The following TLK2 variants were observed in gnomAD, a reference collection of about 807,000 sequenced individuals.
TLK2 encodes tousled like kinase 2, also known as serine/threonine-protein kinase tousled-like 2.
A neutral mutation model predicts 117.3 loss-of-function variants in TLK2; 6 were observed. The ratio of observed to expected loss-of-function variants is 0.05; its 90% CI spans 0.03 to 0.10. TLK2 has a LOEUF of 0.10. Among genes scored for constraint, TLK2 ranks in the 10% least tolerant of loss-of-function variants. The pLI, the probability that TLK2 is intolerant of heterozygous loss-of-function variation, is 1.00. For synonymous variants in TLK2, 257 were observed against 316.7 expected, an observed-to-expected ratio of 0.81 and a Z score of 2.00; for missense variants, 299 against 901.2, an observed-to-expected ratio of 0.33 and a Z score of 8.56.
intron 6 of TLK2, among the ~76,000 whole-genome samples, chr17:62,526,432 C>CA (rs1398802671): frequency 6.6e-6 from 1 of 152,154 alleles, no homozygotes; most frequent in Non-Finnish European, 1.5e-5. Flanking sequence ...AAAATAGAAA[C>CA]AATCAGAAGA....
chr17:62,585,224 T>C (rs925547976), intron 15 of TLK2, among the ~76,000 whole-genome samples: 1 of 152,142 alleles, frequency 6.6e-6, no homozygotes, highest in Non-Finnish European at 1.5e-5. Context: ...TTGGGGTGAC[T>C]AACTTCAGCC....
At chr17:62,600,381 T>C (rs1427849354) in intron 17 of TLK2, 3 of 318,062 alleles carry the variant, frequency 9.4e-6, no homozygotes, top group Admixed American at 4.5e-5. Flanking sequence ...AGTATTCTTA[T>C]AGTCTAGACT....
chr17:62,507,209 G>A (rs1374813916), intron 2 of TLK2, among the ~76,000 whole-genome samples: 1 of 151,940 alleles, frequency 6.6e-6, no homozygotes. Flanking sequence ...AGGAGGCAGA[G>A]GTTGCGGTCA....
intron 15 of TLK2, among the ~76,000 whole-genome samples, chr17:62,580,620 A>G: frequency 6.6e-6 from 1 of 152,196 alleles, no homozygotes; most frequent in East Asian, 1.9e-4. Context: ...GTGTTCTAAT[A>G]TCATTTACTA....
chr17:62,510,416 T>C (rs1259907403), intron 2 of TLK2, among the ~76,000 whole-genome samples: 5 of 152,238 alleles, frequency 3.3e-5, no homozygotes, highest in African/African-American at 4.8e-5. Flanking sequence ...TGACCTTGAA[T>C]GAGTTTACTG....
At position 62,491,962 on chromosome 17, in the gene TLK2, T is replaced by G. The variant is rs530203794; in HGVS notation, c.81+10756T>G. ...AGTATTGGAGTAGGAATAATATAAC[T>G]TTGATACTAGAATCTGCTAAGAAGT... On this transcript the variant is annotated intron_variant, in intron 2 of 21. Coordinates refer to ENST00000346027, the MANE Select transcript of TLK2 (RefSeq NM_006852.6). Among the ~76,000 whole-genome samples the G allele has an allele frequency of 9.2e-5, 14 of 152,320 alleles. No individual in the cohort carries two copies. The South Asian group carries it at 1.9e-3, about 20-fold the overall frequency.
chr17:62,563,664 T>C (rs1193663037), intron 10 of TLK2, among the ~76,000 whole-genome samples: 1 of 152,196 alleles, frequency 6.6e-6, no homozygotes, highest in African/African-American at 2.4e-5. Flanking sequence ...TTACCGCGTC[T>C]GTACTTAGAA....
intron 1 of TLK2, among the ~76,000 whole-genome samples, chr17:62,471,561 T>C (rs910907985): frequency 1.3e-5 from 2 of 152,152 alleles, no homozygotes; most frequent in Admixed American, 6.6e-5. Flanking sequence ...CTCCTCTCAT[T>C]CATCTGGCCA....
intron 2 of TLK2, among the ~76,000 whole-genome samples, chr17:62,482,866 G>A (rs1465104289): frequency 6.6e-6 from 1 of 152,204 alleles, no homozygotes; most frequent in Non-Finnish European, 1.5e-5. Flanking sequence ...GCAGTATGGG[G>A]AGAGAGAGAT....
intron 2 of TLK2, among the ~76,000 whole-genome samples, chr17:62,495,904 A>G (rs2073629410): frequency 6.6e-6 from 1 of 151,588 alleles, no homozygotes. Context: ...GAGCTCAGAC[A>G]ATCCACCCAC....
intron 6 of TLK2, among the ~76,000 whole-genome samples, chr17:62,526,268 A>T (rs1167218612): frequency 2.6e-5 from 4 of 152,234 alleles, no homozygotes; most frequent in Non-Finnish European, 5.9e-5. Flanking sequence ...GGTCATGAGC[A>T]CTGGCCTCAT....
intron 12 of TLK2, among the ~76,000 whole-genome samples, chr17:62,574,742 CTGACCTCAAA>C (rs1163916073): frequency 6.6e-6 from 1 of 152,104 alleles, no homozygotes; most frequent in African/African-American, 2.4e-5. Flanking sequence ...TCTTGAACTC[CTGACCTCAAA>C]TGATCCACCC....
intron 16 of TLK2, among the ~76,000 whole-genome samples, chr17:62,593,231 A>C (rs1174527975): frequency 6.6e-6 from 1 of 152,236 alleles, no homozygotes; most frequent in African/African-American, 2.4e-5. Flanking sequence ...CGTACCATTA[A>C]TAGAATTTGC....
chr17:62,499,516 C>T (rs559423479), intron 2 of TLK2, among the ~76,000 whole-genome samples: 2 of 152,008 alleles, frequency 1.3e-5, no homozygotes, highest in African/African-American at 4.8e-5. Flanking sequence ...AAAATTGTTA[C>T]ATACTCTGGA....
chr17:62,471,888 CTTTT>C (rs869092720), intron 1 of TLK2, among the ~76,000 whole-genome samples: 16 of 37,778 alleles, frequency 4.2e-4, no homozygotes, highest in Middle Eastern at 0.05. Context: ...GTAGTATAGT[CTTTT>C]TTTTTTTTTT....
intron 12 of TLK2, chr17:62,574,209 G>A (rs2080560374): frequency 2.2e-6 from 3 of 1,360,368 alleles, no homozygotes. Context: ...TGGCATCCTA[G>A]AAGTGCATCT....
chr17:62,534,286 G>A lies in TLK2; in HGVS notation c.364-1884G>A, dbSNP rs192229469. Among the ~76,000 whole-genome samples, 328 of 152,226 alleles carry A rather than the reference G, an allele frequency of 2.2e-3. 1 individual carries two copies. The highest frequency in any genetic ancestry group is 7.5e-3 in the African/African-American group (311 of 41,534). On this transcript the variant is annotated intron_variant, in intron 6 of 21. Transcript: ENST00000346027. ...AGACTACCCCTTGGAAGAGAAAAAG[G>A]CCAAACACAAAATTTAAAACATTAA...
chr17:62,478,581 C>T (rs1338793475), upstream of TLK2, among the ~76,000 whole-genome samples: 1 of 150,590 alleles, frequency 6.6e-6, no homozygotes, highest in Non-Finnish European at 1.5e-5. Context: ...CCTCAGCCGT[C>T]CGGCGAGGCG....
At chr17:62,493,569 T>G (rs2073334699) in intron 2 of TLK2, among the ~76,000 whole-genome samples, 1 of 152,228 alleles carries the variant, frequency 6.6e-6, no homozygotes, top group Admixed American at 6.5e-5. Flanking sequence ...TCAGGCCTTA[T>G]TAATAAGGGA....
Sources: gnomAD v4.1 joint callset for allele counts (sites outside exome capture counted in the v4.1 genomes callset) on GRCh38, gnomAD v4.1.1 for gene constraint, MANE v1.5 for transcripts, NCBI Gene and HGNC (gene_info 2026-07-23, HGNC 2026-07-21) for gene names.